The following ROCK1 variants were observed in gnomAD, a reference collection of about 807,000 sequenced individuals.
ROCK1 encodes the protein rho-associated protein kinase 1.
Under a neutral mutation model 196.8 loss-of-function variants are expected in ROCK1, and 36 were observed. That is an observed-to-expected ratio of 0.18 (90% CI 0.14 to 0.24). ROCK1 has a LOEUF of 0.24. ROCK1 is among the 10% of genes least tolerant of loss of function. ROCK1 has a pLI of 1.00. For synonymous variants in ROCK1, 443 were observed against 515.9 expected (o/e 0.86, Z 1.91); for missense variants, 920 against 1,562.0 (o/e 0.59, Z 6.93).
At chr18:21,052,193 G>A (rs1221242363) in intron 2 of ROCK1, among the ~76,000 whole-genome samples, 2 of 152,140 alleles carry the variant, frequency 1.3e-5, no homozygotes, top group Admixed American at 6.5e-5. Flanking sequence ...ACAGGTTTAC[G>A]TGCTAACAAG....
chr18:21,101,267 C>A (rs2036657249), intron 1 of ROCK1, among the ~76,000 whole-genome samples: 1 of 152,068 alleles, frequency 6.6e-6, no homozygotes. Flanking sequence ...AACAGGGATT[C>A]AGTTAAAGAT....
chr18:21,066,202 GC>G (rs1388726036), intron 2 of ROCK1, among the ~76,000 whole-genome samples: 1 of 152,078 alleles, frequency 6.6e-6, no homozygotes, highest in Non-Finnish European at 1.5e-5. Flanking sequence ...AAAACACAAT[GC>G]CAGTAATTGA....
intron 9 of ROCK1, among the ~76,000 whole-genome samples, chr18:21,030,512 T>C (rs1367699379): frequency 2.0e-5 from 3 of 152,208 alleles, no homozygotes; most frequent in Admixed American, 6.5e-5. Context: ...GCATTTTCTC[T>C]TGCTGTTTCT....
Position 20,991,245 on chromosome 18 carries a change from T to C in ROCK1, c.2074A>G (p.Lys692Glu). 1 of 1,612,840 alleles carries C rather than the reference T, an allele frequency of 6.2e-7. No homozygotes were observed. Among genetic ancestry groups the C allele is most frequent in the African/African-American group, 1.3e-5 (1 of 75,010 alleles). The change falls in exon 18 of 33, where the codon AAA (lysine) becomes GAA (glutamate). Residue 692 changes from lysine to glutamate, a missense_variant. By Grantham distance (56) the Lys-to-Glu change is moderately conservative. Around this residue, in one of 6 missense-constraint regions of ROCK1, gnomAD observed 520 missense variants for 657.1 expected, o/e 0.79. Transcript: ENST00000399799. Reference protein sequence around the residue: ...QRLEQEVNEHKVTKARLTDKH... With the variant: ...QRLEQEVNEHEVTKARLTDKH... Reference sequence around the variant, plus strand: ...TCAGTTAAACGAGCTTTGGTTACTTTGTGTTCATTTACCTCTTGTTCTAAC... The same window carrying C: ...TCAGTTAAACGAGCTTTGGTTACTTCGTGTTCATTTACCTCTTGTTCTAAC...
chr18:20,979,768 T>A, intron 22 of ROCK1, 142 bp downstream of exon 22: 1 of 977,692 alleles, frequency 1.0e-6, no homozygotes, highest in Non-Finnish European at 1.4e-6. Flanking sequence ...AATTTCAGCC[T>A]AATCTGATTT....
Position 21,045,338 on chromosome 18 carries a change from C to T in ROCK1, c.544G>A (p.Val182Ile). 1 of 1,612,952 alleles carries T rather than the reference C, an allele frequency of 6.2e-7. No homozygotes were observed. Among genetic ancestry groups the T allele is most frequent in the Non-Finnish European group, 8.5e-7 (1 of 1,179,660 alleles). The change falls in exon 5 of 33, where the codon GTA becomes ATA. Residue 182 changes from valine to isoleucine, a missense_variant. Around this residue, in one of 6 missense-constraint regions of ROCK1, gnomAD observed 234 missense variants for 460.7 expected, o/e 0.51. Coordinates refer to ENST00000399799, the MANE Select transcript of ROCK1 (RefSeq NM_005406.3). The stretch of plus-strand genomic sequence containing the variant: ...TGGATTGCATCCAATGCAAGAACTA[C>T]TTCTGCAGTATAGAATCGTGCCCAT... The part of the protein sequence containing the change: ...EKWARFYTAE[V>I]VLALDAIHSM...
chr18:21,016,878 C>T lies in ROCK1; in HGVS notation c.1362-1399G>A, dbSNP rs1044412184. On this transcript the variant is annotated intron_variant, in intron 12 of 32. Coordinates refer to ENST00000399799, the MANE Select transcript of ROCK1 (RefSeq NM_005406.3). The stretch of plus-strand genomic sequence containing the variant: ...ACACTTAAATTCCAAATTTCTTAGC[C>T]CCCCCGCAAAAAAAAAGAGAAAAAA... Among the ~76,000 whole-genome samples, 29 of 151,526 alleles carry T rather than the reference C, an allele frequency of 1.9e-4. No individual in the cohort carries two copies. In the East Asian group the frequency reaches 2.1e-3, roughly 11 times the overall value.
intron 1 of ROCK1, among the ~76,000 whole-genome samples, chr18:21,087,385 T>C (rs1228278611): frequency 1.3e-5 from 2 of 151,986 alleles, no homozygotes; most frequent in African/African-American, 2.4e-5. Flanking sequence ...AAGAAACAGA[T>C]TGGTAGACCT....
At chr18:21,005,860 G>C (rs549074040) in intron 16 of ROCK1, among the ~76,000 whole-genome samples, 1 of 152,112 alleles carries the variant, frequency 6.6e-6, no homozygotes, top group Non-Finnish European at 1.5e-5. Context: ...CTGTGCAACA[G>C]AGCAAGTTCC....
At position 20,960,236 on chromosome 18, in the gene ROCK1, A is replaced by G. The variant is rs1257013829; in HGVS notation, c.3353-30T>C. 2.3e-6 allele frequency: 3 copies of G among 1,300,132 alleles called. No homozygotes were observed. The African/African-American group carries it at 4.4e-5, about 19-fold the overall frequency. 80.5% of individuals were successfully genotyped at this position (1,300,132 alleles called of 1,614,324 possible). ...GAGAAAAAGAATATATGTATTAGTC[A>G]GTCTTAAATTGTAACAAAAGAAAAA... is the stretch of plus-strand genomic sequence containing the variant. On this transcript the variant is annotated intron_variant, in intron 27 of 32. Coordinates refer to ENST00000399799, the MANE Select transcript of ROCK1 (RefSeq NM_005406.3).
intron 2 of ROCK1, among the ~76,000 whole-genome samples, chr18:21,059,691 C>G (rs935354786): frequency 6.6e-6 from 1 of 152,130 alleles, no homozygotes; most frequent in Non-Finnish European, 1.5e-5. Context: ...TTCTAGGTAT[C>G]TACGCAAGAA....
chr18:21,066,341 T>G (rs1046648899), intron 2 of ROCK1, among the ~76,000 whole-genome samples: 1 of 152,208 alleles, frequency 6.6e-6, no homozygotes, highest in Non-Finnish European at 1.5e-5. Context: ...GCCACATACA[T>G]TGTTTTCCTT....
chr18:20,985,734 A>C (rs922449441), intron 19 of ROCK1, among the ~76,000 whole-genome samples: 3 of 152,194 alleles, frequency 2.0e-5, no homozygotes, highest in Non-Finnish European at 4.4e-5. Context: ...AATTTTGAAC[A>C]TACATTCCTC....
chr18:20,989,956 T>A (rs1474112756), intron 18 of ROCK1, among the ~76,000 whole-genome samples: 1 of 151,944 alleles, frequency 6.6e-6, no homozygotes, highest in Admixed American at 6.6e-5. Context: ...TCAAAAAAAA[T>A]TGACAGCCAA....
chr18:20,965,225 AC>A (rs1482173714), intron 27 of ROCK1, among the ~76,000 whole-genome samples: 1 of 152,072 alleles, frequency 6.6e-6, no homozygotes, highest in Non-Finnish European at 1.5e-5. Context: ...TCCCGTCTCT[AC>A]AAAAAATTAA....
Position 21,111,260 on chromosome 18 carries a change from A to G in ROCK1, c.-350T>C. 1 of 481,104 alleles carries G rather than the reference A, an allele frequency of 2.1e-6. No individual in the cohort carries two copies. Among genetic ancestry groups the G allele is most frequent in the Non-Finnish European group, 3.6e-6 (1 of 274,842 alleles). 29.8% of individuals were successfully genotyped at this position (481,104 alleles called of 1,614,324 possible). Reference sequence around the variant, plus strand: ...TCGCCATGGAGGGGTCCCCGTCCCGAGATGGGCAGGAGCGGGTAGAGAAAG... The same window carrying G: ...TCGCCATGGAGGGGTCCCCGTCCCGGGATGGGCAGGAGCGGGTAGAGAAAG... On this transcript the variant is annotated 5_prime_UTR_variant, in exon 1 of 33. Transcript: ENST00000399799. The surrounding 1 kb of genome is among the most constrained non-coding windows in gnomAD (Gnocchi z 4.2).
chr18:21,018,730 A>T (rs1273072107), intron 12 of ROCK1, among the ~76,000 whole-genome samples: 1 of 152,170 alleles, frequency 6.6e-6, no homozygotes, highest in Admixed American at 6.5e-5. Context: ...TCTATCAGGA[A>T]TGGTTAAAAG....
intron 22 of ROCK1, among the ~76,000 whole-genome samples, chr18:20,977,940 G>A (rs2035495126): frequency 6.6e-6 from 1 of 152,092 alleles, no homozygotes; most frequent in African/African-American, 2.4e-5. Context: ...AGTTAATTAG[G>A]TTATCTAACT....
At chr18:21,030,746 A>G (rs567694066) in intron 9 of ROCK1, among the ~76,000 whole-genome samples, 50 of 152,318 alleles carry the variant, frequency 3.3e-4, no homozygotes, top group African/African-American at 1.2e-3. Context: ...ATCAGTATAT[A>G]TTTGTTTAAA....
Sources: allele counts gnomAD v4.1 joint callset (sites outside exome capture counted in the v4.1 genomes callset), GRCh38; gene constraint gnomAD v4.1.1; regional missense constraint gnomAD v4.1.1; non-coding constraint Gnocchi (gnomAD v3.1); transcripts MANE v1.5; gene names NCBI Gene and HGNC (gene_info 2026-07-23, HGNC 2026-07-21).